SCYL2: variants seen among roughly 807,000 people sequenced by gnomAD.
The protein encoded by SCYL2 is SCY1 like pseudokinase 2.
SCYL2 carries 36 observed loss-of-function variants against 100.4 expected under a neutral mutation model. The observed-to-expected ratio is 0.36, with a 90% CI of 0.27 to 0.47. The LOEUF (loss-of-function observed/expected upper bound fraction) is 0.47, where lower values mean the gene tolerates loss of function less well. Among genes scored for constraint, SCYL2 ranks in the 20% least tolerant of loss-of-function variants. The pLI is 1.00. For missense variants in SCYL2, 902 were observed against 1,083.9 expected (o/e 0.83, Z 2.36); for synonymous variants, 330 against 359.2 (o/e 0.92, Z 0.92).
intron 3 of SCYL2, 165 bp downstream of exon 3, chr12:100,291,825 C>T (rs376079831): frequency 9.7e-5 from 58 of 596,424 alleles, no homozygotes; most frequent in Middle Eastern, 8.7e-4. Flanking sequence ...GCATTGTCTA[C>T]GTATATGTCT....
At chr12:100,302,304 G>A (rs939759579) in intron 4 of SCYL2, among the ~76,000 whole-genome samples, 1 of 152,152 alleles carries the variant, frequency 6.6e-6, no homozygotes, top group African/African-American at 2.4e-5. Flanking sequence ...TGCCATCCTA[G>A]TCAGTTGACT....
chr12:100,316,639 A>C (rs2096349050), intron 9 of SCYL2, among the ~76,000 whole-genome samples: 1 of 152,166 alleles, frequency 6.6e-6, no homozygotes, highest in Non-Finnish European at 1.5e-5. Context: ...CAAGTGAGGG[A>C]GCTGTAGCCT....
chr12:100,304,621 A>G (rs2096331877), intron 4 of SCYL2, among the ~76,000 whole-genome samples: 2 of 152,192 alleles, frequency 1.3e-5, no homozygotes, highest in Admixed American at 6.5e-5. Context: ...AGCTAGCATC[A>G]TAATGATAGG....
chr12:100,290,138 G>A (rs1364648781), intron 2 of SCYL2, among the ~76,000 whole-genome samples: 1 of 152,100 alleles, frequency 6.6e-6, no homozygotes, highest in Admixed American at 6.5e-5. Flanking sequence ...GTCCTTTGAG[G>A]TATTCATACT....
At chr12:100,295,659 G>T (rs958476060) in intron 3 of SCYL2, among the ~76,000 whole-genome samples, 7 of 152,182 alleles carry the variant, frequency 4.6e-5, no homozygotes. Flanking sequence ...GTACAGTCCA[G>T]CTCCGGCTGG....
At chr12:100,295,665 G>T (rs2096319089) in intron 3 of SCYL2, among the ~76,000 whole-genome samples, 1 of 152,168 alleles carries the variant, frequency 6.6e-6, no homozygotes, top group South Asian at 2.1e-4. Flanking sequence ...TCCAGCTCCG[G>T]CTGGGCATGA....
intron 10 of SCYL2, among the ~76,000 whole-genome samples, chr12:100,320,390 T>C (rs1273703191): frequency 6.6e-6 from 1 of 151,550 alleles, no homozygotes; most frequent in Non-Finnish European, 1.5e-5. Flanking sequence ...ACTAAAAAAA[T>C]ACAAAAATTA....
intron 1 of SCYL2, among the ~76,000 whole-genome samples, chr12:100,279,229 T>G (rs1185224893): frequency 6.6e-6 from 1 of 152,214 alleles, no homozygotes; most frequent in African/African-American, 2.4e-5. Context: ...TTAGTTAGAT[T>G]CTCATAAGGA....
At chr12:100,313,597 T>A in intron 7 of SCYL2, 59 bp downstream of exon 7, 1 of 913,530 alleles carries the variant, frequency 1.1e-6, no homozygotes, top group Non-Finnish European at 1.7e-6. Context: ...TGAAGTAGAT[T>A]AAGTTTTTGG....
intron 1 of SCYL2, among the ~76,000 whole-genome samples, chr12:100,278,934 A>G (rs987931838): frequency 6.6e-6 from 1 of 152,036 alleles, no homozygotes; most frequent in Non-Finnish European, 1.5e-5. Flanking sequence ...GGCCAGTCTG[A>G]GGAAATTCTT....
chr12:100,326,432 C>A (rs995911543), intron 11 of SCYL2, among the ~76,000 whole-genome samples, 190 bp from the exon 12 acceptor site: 3 of 152,106 alleles, frequency 2.0e-5, no homozygotes, highest in Non-Finnish European at 2.9e-5. Context: ...ATCATAAATT[C>A]TTTGTGAAAC....
chr12:100,285,552 A>C (rs1304016816), intron 2 of SCYL2, among the ~76,000 whole-genome samples: 2 of 152,188 alleles, frequency 1.3e-5, no homozygotes, highest in Non-Finnish European at 2.9e-5. Context: ...CATCCCTGCC[A>C]ATCTTGTTAT....
chr12:100,337,211 C>G (rs1952289128), intron 16 of SCYL2, among the ~76,000 whole-genome samples, 176 bp from the exon 17 acceptor site: 1 of 151,990 alleles, frequency 6.6e-6, no homozygotes. Context: ...GAGTTTTTAT[C>G]TAAAGTTAAA....
chr12:100,320,417 G>T (rs561377727), intron 10 of SCYL2, among the ~76,000 whole-genome samples: 4 of 152,048 alleles, frequency 2.6e-5, no homozygotes, highest in African/African-American at 9.6e-5. Flanking sequence ...TGTGGTGGCG[G>T]GTACCTGTAA....
In SCYL2 at chr12:100,338,808, G is replaced by A. The variant is rs759790856; in HGVS notation, c.2426G>A (p.Gly809Glu). 7.4e-6 allele frequency: 12 copies of A among 1,613,992 alleles called. No homozygotes were observed. The East Asian group carries it at 2.5e-4, about 33-fold the overall frequency. The change falls in exon 18 of 18, where the codon GGA becomes GAA. Residue 809 changes from glycine to glutamate, a missense_variant. Gly to Glu is a moderately conservative substitution (Grantham distance 98, BLOSUM62 -2). Coordinates refer to ENST00000360820, the MANE Select transcript of SCYL2 (RefSeq NM_017988.6). ...GTTGGAGTGACCAAGATGACTCTGG[G>A]AACACCTCCCACTTTGCCAAACTTC... ...STVGVTKMTL[G>E]TPPTLPNFNA... is the part of the protein sequence containing the mutation.
chr12:100,297,081 A>G (rs1006914212), intron 3 of SCYL2, among the ~76,000 whole-genome samples: 3 of 152,172 alleles, frequency 2.0e-5, no homozygotes, highest in African/African-American at 4.8e-5. Context: ...TTACTGTACT[A>G]CTTTGTAGTT....
At chr12:100,288,696 G>T (rs1230186060) in intron 2 of SCYL2, among the ~76,000 whole-genome samples, 1 of 151,868 alleles carries the variant, frequency 6.6e-6, no homozygotes, top group Non-Finnish European at 1.5e-5. Flanking sequence ...AATTTGCTGG[G>T]CATGGTGGTG....
intron 4 of SCYL2, among the ~76,000 whole-genome samples, chr12:100,300,931 A>G (rs2096326789): frequency 6.6e-6 from 1 of 152,136 alleles, no homozygotes; most frequent in South Asian, 2.1e-4. Context: ...AATCTTGGTT[A>G]TTGTGAATAG....
chr12:100,331,952 T>G (rs1348093437), intron 13 of SCYL2, among the ~76,000 whole-genome samples: 1 of 151,842 alleles, frequency 6.6e-6, no homozygotes, highest in African/African-American at 2.4e-5. Flanking sequence ...TTGAGGGGGG[T>G]TTCTAAGACC....
Sources: gnomAD v4.1 joint callset for allele counts (sites outside exome capture counted in the v4.1 genomes callset) on GRCh38, gnomAD v4.1.1 for gene constraint, MANE v1.5 for transcripts, NCBI Gene and HGNC (gene_info 2026-07-23, HGNC 2026-07-21) for gene names.